EPHA5: variants seen among roughly 807,000 people sequenced by gnomAD.
The protein encoded by EPHA5 is EPH receptor A5.
EPHA5 carries 60 observed loss-of-function variants against 105.0 expected under a neutral mutation model. The ratio of observed to expected loss-of-function variants is 0.57; its 90% CI spans 0.46 to 0.71. The LOEUF (loss-of-function observed/expected upper bound fraction) is 0.71, where lower values mean the gene tolerates loss of function less well. Ranked by LOEUF, EPHA5 falls within the 30% of genes least tolerant of loss-of-function variation. EPHA5 has a pLI of 0.00. For synonymous variants in EPHA5, 513 were observed against 449.1 expected, an observed-to-expected ratio of 1.14 and a Z score of -1.80; for missense variants, 1,218 against 1,274.7, an observed-to-expected ratio of 0.96 and a Z score of 0.68.
intron 2 of EPHA5, among the ~76,000 whole-genome samples, chr4:65,627,066 T>C (rs1402831972): frequency 1.3e-5 from 2 of 152,212 alleles, no homozygotes; most frequent in Non-Finnish European, 2.9e-5. Flanking sequence ...TAGCTAGTTG[T>C]TATTATTGTG....
rs770270266 is a variant in EPHA5 at position 65,601,678 on chromosome 4, G to A, written c.873C>T (p.Cys291=). The A allele has an allele frequency of 1.9e-6, 3 of 1,614,068 alleles. No homozygotes were observed. The highest frequency in any genetic ancestry group is 3.3e-5 in the Admixed American group (2 of 60,010). The part of the protein sequence containing the change: ...EWLVPIGKCM[C]KAGYEEKNGT... ...CATTTTTCTCTTCATATCCTGCCTT[G>A]CACATGCATTTCCCGATGGGCACCA... The change falls in exon 3 of 17, where the codon TGC becomes TGT. Residue 291 remains cysteine (C), a synonymous_variant. Transcript: ENST00000613740.
chr4:65,651,062 C>A (rs1019452017), intron 1 of EPHA5, among the ~76,000 whole-genome samples: 6 of 152,076 alleles, frequency 3.9e-5, no homozygotes, highest in Admixed American at 6.6e-5. Context: ...AGGGGATCTG[C>A]AAAGGAAGGG....
chr4:65,329,398 G>A lies in EPHA5; in HGVS notation c.2945+2575C>T, dbSNP rs544496390. Among the ~76,000 whole-genome samples, 47 of 151,462 alleles carry A rather than the reference G, an allele frequency of 3.1e-4. 1 individual carries two copies. Among genetic ancestry groups the A allele is most frequent in the African/African-American group, 1.1e-3 (45 of 41,458 alleles). ...TGGCAACAATCCATATACAAGTGAA[G>A]TTAAACCTTTGTGATGGAGATTTTT... On this transcript the variant is annotated intron_variant, in intron 16 of 16. Coordinates refer to ENST00000613740, the MANE Select transcript of EPHA5 (RefSeq NM_001281766.3).
chr4:65,447,232 A>T (rs74623363), intron 5 of EPHA5, among the ~76,000 whole-genome samples: 1,550 of 152,126 alleles, frequency 0.01, 13 homozygotes, highest in Middle Eastern at 0.021. Context: ...TAAATAAAAC[A>T]GTTAGAATAT....
At chr4:65,490,029 TA>T (rs1230684800) in intron 5 of EPHA5, among the ~76,000 whole-genome samples, 1 of 152,130 alleles carries the variant, frequency 6.6e-6, no homozygotes, top group African/African-American at 2.4e-5. Flanking sequence ...TTTTAAAAAT[TA>T]AAGGAAACAA....
chr4:65,578,300 C>A (rs1177756336), intron 3 of EPHA5, among the ~76,000 whole-genome samples: 1 of 152,156 alleles, frequency 6.6e-6, no homozygotes. Context: ...TTCCAAACTT[C>A]TTCCTATAGT....
chr4:65,512,788 G>C (rs772805980), intron 3 of EPHA5, among the ~76,000 whole-genome samples: 1 of 152,116 alleles, frequency 6.6e-6, no homozygotes, highest in African/African-American at 2.4e-5. Context: ...TACAAAGGCC[G>C]TTGTGTTTCA....
chr4:65,368,163 C>T (rs1560461233), intron 8 of EPHA5, among the ~76,000 whole-genome samples: 1 of 151,966 alleles, frequency 6.6e-6, no homozygotes, highest in African/African-American at 2.4e-5. Flanking sequence ...ATGCTTTTTG[C>T]TCTTCTCCAC....
intron 2 of EPHA5, among the ~76,000 whole-genome samples, chr4:65,607,557 T>G (rs1744356207): frequency 6.6e-6 from 1 of 152,136 alleles, no homozygotes; most frequent in Non-Finnish European, 1.5e-5. Context: ...AAGACATTTA[T>G]GCAGCCAACA....
At chr4:65,573,547 G>T in intron 3 of EPHA5, 1 of 1,598,290 alleles carries the variant, frequency 6.3e-7, no homozygotes, top group Non-Finnish European at 8.5e-7. Flanking sequence ...GTGAAAAAGG[G>T]TAACCTCAAA....
At chr4:65,615,650 G>A (rs1022759181) in intron 2 of EPHA5, among the ~76,000 whole-genome samples, 3 of 151,924 alleles carry the variant, frequency 2.0e-5, no homozygotes, top group African/African-American at 7.2e-5. Context: ...ACTGAAAAGT[G>A]TATAAATATG....
At chr4:65,654,657 T>G (rs1463673286) in intron 1 of EPHA5, among the ~76,000 whole-genome samples, 5 of 148,164 alleles carry the variant, frequency 3.4e-5, no homozygotes, top group Non-Finnish European at 6.0e-5. Flanking sequence ...CAGATACATA[T>G]ATATTTATTT....
chr4:65,628,735 G>A (rs1334378682), intron 2 of EPHA5, among the ~76,000 whole-genome samples: 2 of 152,114 alleles, frequency 1.3e-5, no homozygotes, highest in East Asian at 1.9e-4. Context: ...CTTTAACTGT[G>A]CAGATTGGAA....
rs1448296918 is a variant in EPHA5, at chr4:65,320,320, ATTC to A, written c.*3791_*3793del. 5 of 226,688 alleles carry A rather than the reference ATTC, an allele frequency of 2.2e-5. No homozygotes were observed. Among genetic ancestry groups the A allele is most frequent in the East Asian group, 1.9e-4 (3 of 16,208 alleles). The allele number at this position is 226,688 out of a possible 1,614,324, so 14.0% of individuals were successfully genotyped here. ...TAAAGCTAGCATTTTGATTCCATTT[ATTC>A]TTCATCATCATCATCATCATCATCA... On this transcript the variant is annotated 3_prime_UTR_variant, in exon 17 of 17. Coordinates refer to ENST00000613740, the MANE Select transcript of EPHA5 (RefSeq NM_001281766.3).
intron 16 of EPHA5, among the ~76,000 whole-genome samples, chr4:65,328,224 T>G (rs1030995369): frequency 6.6e-6 from 1 of 151,220 alleles, no homozygotes; most frequent in African/African-American, 2.4e-5. Context: ...TACATAAACA[T>G]AGTTTGGATT....
intron 5 of EPHA5, among the ~76,000 whole-genome samples, chr4:65,423,579 A>G (rs1033633509): frequency 1.3e-5 from 2 of 151,300 alleles, no homozygotes; most frequent in Middle Eastern, 3.4e-3. Flanking sequence ...ACTTTATTTT[A>G]TTACTTAATT....
chr4:65,339,020 G>T (rs1721449571), intron 14 of EPHA5, among the ~76,000 whole-genome samples: 1 of 152,048 alleles, frequency 6.6e-6, no homozygotes, highest in Non-Finnish European at 1.5e-5. Flanking sequence ...ATTTTTACAG[G>T]CAAGCTGGCA....
intron 3 of EPHA5, among the ~76,000 whole-genome samples, chr4:65,599,795 A>G (rs1743533856): frequency 6.6e-6 from 1 of 152,214 alleles, no homozygotes; most frequent in African/African-American, 2.4e-5. Context: ...AGAGAATAAC[A>G]TGAGAAGAGA....
chr4:65,656,350 A>G (rs1455688688), intron 1 of EPHA5, among the ~76,000 whole-genome samples: 1 of 151,434 alleles, frequency 6.6e-6, no homozygotes, highest in Admixed American at 6.6e-5. Flanking sequence ...GTTTTCTACC[A>G]GGAAGTGAGA....
Sources: allele counts gnomAD v4.1 joint callset (sites outside exome capture counted in the v4.1 genomes callset), GRCh38; gene constraint gnomAD v4.1.1; transcripts MANE v1.5; gene names NCBI Gene and HGNC (gene_info 2026-07-23, HGNC 2026-07-21).